CRB1: variants seen among roughly 807,000 people sequenced by gnomAD.
CRB1 encodes crumbs cell polarity complex component 1, also known as protein crumbs homolog 1.
In CRB1, 83 loss-of-function variants were observed where a neutral mutation model predicts 120.0. That is an observed-to-expected ratio of 0.69 (90% confidence interval 0.58 to 0.83). The LOEUF (loss-of-function observed/expected upper bound fraction) is 0.83. Among genes scored for constraint, CRB1 ranks in the 40% least tolerant of loss-of-function variants. CRB1 has a pLI of 0.00. For synonymous variants in CRB1, 625 were observed against 612.5 expected (o/e 1.02, Z -0.30); for missense variants, 1,699 against 1,687.6 (o/e 1.01, Z -0.12).
chr1:197,420,489 G>A (rs1571520845), intron 5 of CRB1, among the ~76,000 whole-genome samples: 1 of 152,148 alleles, frequency 6.6e-6, no homozygotes, highest in South Asian at 2.1e-4. Context: ...CATGGTGAGA[G>A]TTGTTTGGAC....
At chr1:197,420,008 A>G (rs1664218175) in intron 5 of CRB1, among the ~76,000 whole-genome samples, 2 of 151,220 alleles carry the variant, frequency 1.3e-5, no homozygotes, top group Non-Finnish European at 3.0e-5. Flanking sequence ...AACAAACAAA[A>G]AAAACTAGTT....
chr1:197,262,189 C>T, the CRB1 span, among the ~76,000 whole-genome samples: 2 of 152,088 alleles, frequency 1.3e-5, no homozygotes, highest in African/African-American at 4.8e-5. Flanking sequence ...CAAACAAATG[C>T]TTGTACATTA....
chr1:197,439,756 A>T (rs1665343213), intron 10 of CRB1: 1 of 152,178 alleles, frequency 6.6e-6, no homozygotes, highest in Admixed American at 6.6e-5. Context: ...TATTTCCCAT[A>T]AGCATAGTTA....
At chr1:197,429,249 C>T in intron 7 of CRB1, 200 bp from the exon 8 acceptor site, 3 of 1,375,812 alleles carry the variant, frequency 2.2e-6, no homozygotes, top group South Asian at 2.8e-5. Flanking sequence ...CTCTCTGCCA[C>T]CACTCTGCCC....
rs539152735 is a variant in CRB1 at position 197,421,081 on chromosome 1, A to G, written c.1253A>G (p.Asn418Ser). Residue 418 changes from asparagine to serine, a missense_variant, in exon 6 of 12, where the codon AAT becomes AGT. Asn to Ser is a conservative substitution (Grantham distance 46). Coordinates refer to ENST00000367400, the MANE Select transcript of CRB1 (RefSeq NM_201253.3). ...NGGTCENLPGNYTCHCPFDNL... is the reference protein window; with the variant it reads ...NGGTCENLPGSYTCHCPFDNL... ...GGTACTTGTGAGAACTTGCCTGGGA[A>G]TTATACTTGCCATTGCCCATTTGAT... The G allele has an allele frequency of 5.3e-5, 86 of 1,614,222 alleles. 3 individuals are homozygous for G. In the South Asian group the frequency reaches 9.0e-4, roughly 17 times the overall value.
At chr1:197,222,953 G>A in the CRB1 span, 4 of 882,040 alleles carry the variant, frequency 4.5e-6, no homozygotes, top group Admixed American at 3.4e-5. Context: ...AGAGTTTGCA[G>A]ATAACATGTA....
At chr1:197,402,863 GC>G (rs1363352295) in intron 5 of CRB1, among the ~76,000 whole-genome samples, 1 of 151,916 alleles carries the variant, frequency 6.6e-6, no homozygotes, top group Non-Finnish European at 1.5e-5. Flanking sequence ...CCACTTTTCT[GC>G]CCCCAATGTA....
chr1:197,327,108 A>ACAAAC (rs1558055603), intron 1 of CRB1, among the ~76,000 whole-genome samples: 1 of 74,876 alleles, frequency 1.3e-5, no homozygotes, highest in African/African-American at 6.3e-5. Context: ...AAAAAAAAAA[A>ACAAAC]AAAAAAAAAA....
intron 1 of CRB1, among the ~76,000 whole-genome samples, chr1:197,309,019 G>T (rs983659208): frequency 4.0e-5 from 6 of 150,778 alleles, no homozygotes; most frequent in Admixed American, 6.7e-5. Context: ...CAGTATATAT[G>T]TATATACACA....
chr1:197,435,217 T>A lies in CRB1; in HGVS notation c.3354T>A (p.Asn1118Lys). 6.2e-7 allele frequency: 1 copy of A among 1,613,924 alleles called. No homozygotes were observed. The highest frequency in any genetic ancestry group is 8.5e-7 in the Non-Finnish European group (1 of 1,179,866). Residue 1118 changes from asparagine (N) to lysine (K), a missense_variant, in exon 9 of 12, where the codon AAT (asparagine) becomes AAA (lysine). Transcript: ENST00000367400. ...TTGAAAATGTTCATGGTTTCATTAA[T>A]AAACCTCAGGAAGAGCAATTTCTCA... ...SYFENVHGFI[N>K]KPQEEQFLKI...
At position 197,434,741 on chromosome 1, in the gene CRB1, C is replaced by A; in HGVS notation, c.2878C>A (p.Gln960Lys). Residue 960 changes from glutamine (Q) to lysine (K), a missense_variant, in exon 9 of 12, where the codon CAA becomes AAA. Transcript: ENST00000367400. Reference sequence around the variant, plus strand: ...TGCTGTTTTTAATGGACAAAGCGGTCAAATATTATTCAGAAGCAATGGGAA... The same window carrying A: ...TGCTGTTTTTAATGGACAAAGCGGTAAAATATTATTCAGAAGCAATGGGAA... ...ANAVFNGQSG[Q>K]ILFRSNGNIT... The A allele has an allele frequency of 3.1e-6, 5 of 1,613,430 alleles. No homozygotes were observed. In the South Asian group the frequency reaches 4.4e-5, roughly 14 times the overall value.
chr1:197,304,446 A>G, intron 1 of CRB1: 2 of 905,168 alleles, frequency 2.2e-6, no homozygotes, highest in Non-Finnish European at 2.6e-6. Flanking sequence ...GTGTATTCTC[A>G]CTTAACCTCT....
chr1:197,249,212 T>G, the CRB1 span, among the ~76,000 whole-genome samples: 1 of 151,994 alleles, frequency 6.6e-6, no homozygotes, highest in Non-Finnish European at 1.5e-5. Context: ...AGAATTTATC[T>G]TTTTTGCTTT....
chr1:197,401,444 TC>T (rs1663060005), intron 5 of CRB1, among the ~76,000 whole-genome samples: 1 of 152,168 alleles, frequency 6.6e-6, no homozygotes, highest in African/African-American at 2.4e-5. Flanking sequence ...TAAAATTTCA[TC>T]TTTTCCATGA....
At chr1:197,406,629 T>C (rs1197414238) in intron 5 of CRB1, among the ~76,000 whole-genome samples, 1 of 152,216 alleles carries the variant, frequency 6.6e-6, no homozygotes, top group East Asian at 1.9e-4. Context: ...TTTAATTAAA[T>C]AGCTGTTAGA....
chr1:197,247,960 T>A, the CRB1 span, among the ~76,000 whole-genome samples: 1 of 152,032 alleles, frequency 6.6e-6, no homozygotes, highest in Non-Finnish European at 1.5e-5. Context: ...TAGTATACTC[T>A]GATATTAACT....
intron 5 of CRB1, among the ~76,000 whole-genome samples, chr1:197,388,215 A>G (rs1662321188): frequency 6.6e-6 from 1 of 152,086 alleles, no homozygotes; most frequent in Non-Finnish European, 1.5e-5. Context: ...CTGGAAGACA[A>G]ATTACTAAGG....
intron 1 of CRB1, among the ~76,000 whole-genome samples, chr1:197,283,810 T>C (rs1418959060): frequency 1.3e-5 from 2 of 151,264 alleles, no homozygotes; most frequent in Admixed American, 6.6e-5. Flanking sequence ...TTATTATTTA[T>C]ATTAAAATAA....
intron 4 of CRB1, 112 bp downstream of exon 4, chr1:197,347,591 C>A (rs1347860450): frequency 3.5e-6 from 4 of 1,131,328 alleles, no homozygotes; most frequent in African/African-American, 1.5e-5. Flanking sequence ...AAATCAATTT[C>A]TTCTAGCTAA....
Sources: gnomAD v4.1 joint callset for allele counts (sites outside exome capture counted in the v4.1 genomes callset) on GRCh38, gnomAD v4.1.1 for gene constraint, MANE v1.5 for transcripts, NCBI Gene and HGNC (gene_info 2026-07-23, HGNC 2026-07-21) for gene names.